The following TRIP11 variants were observed in gnomAD, a reference collection of about 807,000 sequenced individuals.
The protein encoded by TRIP11 is thyroid receptor-interacting protein 11.
In TRIP11, 148 loss-of-function variants were observed where a neutral mutation model predicts 223.1. That is an observed-to-expected ratio of 0.66 (90% CI 0.58 to 0.76). The LOEUF is 0.76. Among genes scored for constraint, TRIP11 ranks in the 30% least tolerant of loss-of-function variants. The pLI is 0.00. For synonymous variants in TRIP11, 762 were observed against 772.6 expected (o/e 0.99, Z 0.23); for missense variants, 2,043 against 2,222.0 (o/e 0.92, Z 1.62).
intron 4 of TRIP11, among the ~76,000 whole-genome samples, chr14:92,019,950 T>G (rs918957498): frequency 6.6e-6 from 1 of 152,200 alleles, no homozygotes; most frequent in African/African-American, 2.4e-5. Flanking sequence ...CCTCAAGATA[T>G]CTCATTATGT....
chr14:91,999,015 T>C (rs1243807117), intron 13 of TRIP11, among the ~76,000 whole-genome samples: 2 of 152,194 alleles, frequency 1.3e-5, no homozygotes, highest in Non-Finnish European at 2.9e-5. Flanking sequence ...ACAGACAGTT[T>C]GAATGCCAGA....
chr14:91,974,920 C>A (rs1357015855), intron 18 of TRIP11, among the ~76,000 whole-genome samples, 177 bp from the exon 19 acceptor site: 1 of 152,166 alleles, frequency 6.6e-6, no homozygotes, highest in African/African-American at 2.4e-5. Context: ...CAAGCACCAT[C>A]TCAAATGAAA....
At chr14:92,025,774 C>T (rs1481324585) in intron 2 of TRIP11, among the ~76,000 whole-genome samples, 4 of 150,968 alleles carry the variant, frequency 2.6e-5, no homozygotes, top group African/African-American at 7.3e-5. Context: ...CAGCTACTCG[C>T]GAGGCTGAGG....
chr14:91,983,014 G>C (rs191778939), intron 16 of TRIP11, among the ~76,000 whole-genome samples: 1 of 152,262 alleles, frequency 6.6e-6, no homozygotes, highest in Non-Finnish European at 1.5e-5. Context: ...AGTTTCACAG[G>C]AATTCCTCCC....
chr14:92,010,666 T>C (rs1397506321), intron 9 of TRIP11, among the ~76,000 whole-genome samples: 1 of 152,104 alleles, frequency 6.6e-6, no homozygotes, highest in Non-Finnish European at 1.5e-5. Flanking sequence ...TACAGTATGC[T>C]ACTCCAGACC....
At chr14:92,008,306 A>T (rs2056930258) in intron 9 of TRIP11, among the ~76,000 whole-genome samples, 1 of 152,176 alleles carries the variant, frequency 6.6e-6, no homozygotes, top group African/African-American at 2.4e-5. Context: ...ATAAAAATAT[A>T]AAAAATCAAC....
At chr14:91,994,713 G>T (rs970331414) in intron 14 of TRIP11, among the ~76,000 whole-genome samples, 6 of 152,172 alleles carry the variant, frequency 3.9e-5, no homozygotes, top group Non-Finnish European at 7.3e-5. Context: ...ATTACTGAAT[G>T]CATGAATAAA....
Position 91,966,583 on chromosome 14 carries a change from G to A in TRIP11, c.*3090C>T, listed in dbSNP as rs569051108. ...TGTACTCTTTTCAATTAACCATTAA[G>A]AGGTTAAAAGAAACCTAAGGCTTTA... On this transcript the variant is annotated 3_prime_UTR_variant, in exon 21 of 21. Coordinates refer to ENST00000267622, the MANE Select transcript of TRIP11 (RefSeq NM_004239.4). 2 of 210,458 alleles carry A rather than the reference G, an allele frequency of 9.5e-6. No individual in the cohort carries two copies. The highest frequency in any genetic ancestry group is 4.5e-5 in the African/African-American group (2 of 44,276). 13.0% of individuals were successfully genotyped at this position (210,458 alleles called of 1,614,324 possible). A position where few individuals can be genotyped will look rare whatever the true frequency, so the allele number is the denominator to read the frequency against.
intron 20 of TRIP11, among the ~76,000 whole-genome samples, chr14:91,971,443 T>C (rs923668221): frequency 6.6e-6 from 1 of 151,996 alleles, no homozygotes; most frequent in African/African-American, 2.4e-5. Context: ...ACCCAAGCCA[T>C]CACCAGCTTT....
At chr14:91,984,465 G>C (rs574727210) in intron 16 of TRIP11, among the ~76,000 whole-genome samples, 1 of 151,904 alleles carries the variant, frequency 6.6e-6, no homozygotes, top group African/African-American at 2.4e-5. Context: ...ACAGGCATGA[G>C]CCACCATGCC....
chr14:91,995,274 C>CTAAAA, intron 14 of TRIP11, 78 bp downstream of exon 14: 1 of 1,570,404 alleles, frequency 6.4e-7, no homozygotes, highest in South Asian at 1.1e-5. Context: ...CGTGCCTCAT[C>CTAAAA]TAAAATAGCT....
At chr14:92,031,925 T>A (rs2057270977) in intron 2 of TRIP11, among the ~76,000 whole-genome samples, 1 of 152,060 alleles carries the variant, frequency 6.6e-6, no homozygotes, top group Non-Finnish European at 1.5e-5. Context: ...GATCAGGTGA[T>A]CCTCCCACCT....
At chr14:91,993,673 G>C in intron 15 of TRIP11, 136 bp downstream of exon 15, 1 of 697,890 alleles carries the variant, frequency 1.4e-6, no homozygotes, top group South Asian at 1.8e-5. Context: ...TCACTGTCAG[G>C]CTACAGCAGA....
intron 16 of TRIP11, 106 bp downstream of exon 16, chr14:91,988,178 A>G: frequency 1.2e-6 from 1 of 805,690 alleles, no homozygotes; most frequent in East Asian, 2.7e-5. Context: ...GAAGTCACAC[A>G]TCAATGAAGT....
At chr14:92,027,574 C>CA (rs1267286864) in intron 2 of TRIP11, among the ~76,000 whole-genome samples, 1 of 151,592 alleles carries the variant, frequency 6.6e-6, no homozygotes, top group Non-Finnish European at 1.5e-5. Flanking sequence ...ACAACAACAA[C>CA]AAAAAGAACA....
Position 91,969,381 on chromosome 14 carries a change from A to G in TRIP11, c.*292T>C. On this transcript the variant is annotated 3_prime_UTR_variant, in exon 21 of 21. Coordinates refer to ENST00000267622, the MANE Select transcript of TRIP11 (RefSeq NM_004239.4). The stretch of plus-strand genomic sequence containing the variant: ...GGAAATAAAAAGCTGCCATATAGCT[A>G]CTAGTATTTTTGTCTGTCTGTATTT... 1 of 420,806 alleles carries G rather than the reference A, an allele frequency of 2.4e-6. No homozygotes were observed. The highest frequency in any genetic ancestry group is 3.0e-5 in the South Asian group (1 of 33,290). The allele number at this position is 420,806 out of a possible 1,614,324, so 26.1% of individuals were successfully genotyped here. A position where few individuals can be genotyped will look rare whatever the true frequency, so the allele number is the denominator to read the frequency against.
chr14:92,006,444 A>T lies in TRIP11; in HGVS notation c.1532T>A (p.Met511Lys), dbSNP rs901206989. ...TGATAGCTGATCTTTTATCAAAATC[A>T]TGTGCTGAAAGAAAAATTTGCATGG... Reference protein sequence around the residue: ...DRQNQEATKHMILIKDQLSKQ... With the variant: ...DRQNQEATKHKILIKDQLSKQ... The change falls in exon 11 of 21, where the codon ATG becomes AAG. Residue 511 changes from methionine (M) to lysine (K), a missense_variant. Met to Lys is a moderately conservative substitution (Grantham distance 95, BLOSUM62 -1). Coordinates refer to ENST00000267622, the MANE Select transcript of TRIP11 (RefSeq NM_004239.4). The T allele has an allele frequency of 7.8e-5, 125 of 1,612,098 alleles. No homozygotes were observed. Among genetic ancestry groups the T allele is most frequent in the Non-Finnish European group, 1.1e-4 (124 of 1,179,712 alleles).
intron 15 of TRIP11, among the ~76,000 whole-genome samples, chr14:91,992,279 T>C (rs1242394078): frequency 6.6e-6 from 1 of 151,620 alleles, no homozygotes; most frequent in Non-Finnish European, 1.5e-5. Flanking sequence ...AAGGAAGTAA[T>C]AAACATAACA....
At chr14:92,009,487 G>A (rs1222732356) in intron 9 of TRIP11, among the ~76,000 whole-genome samples, 1 of 151,126 alleles carries the variant, frequency 6.6e-6, no homozygotes, top group African/African-American at 2.4e-5. Flanking sequence ...GCCCTGCCAG[G>A]TAAGTGCAGA....
Sources: gnomAD v4.1 joint callset for allele counts (sites outside exome capture counted in the v4.1 genomes callset) on GRCh38, gnomAD v4.1.1 for gene constraint, MANE v1.5 for transcripts, NCBI Gene and HGNC (gene_info 2026-07-23, HGNC 2026-07-21) for gene names.